The following ZBTB20 variants were observed in gnomAD, a reference collection of about 807,000 sequenced individuals.
ZBTB20 encodes the protein zinc finger and BTB domain-containing protein 20.
A neutral mutation model predicts 56.9 loss-of-function variants in ZBTB20; 9 were observed. That is an observed-to-expected ratio of 0.16 (90% CI 0.10 to 0.28). ZBTB20 has a LOEUF of 0.28. ZBTB20 is among the 10% of genes least tolerant of loss of function. ZBTB20 has a pLI of 1.00. For missense variants in ZBTB20, 655 were observed against 1,003.0 expected (o/e 0.65, Z 4.69); for synonymous variants, 417 against 420.7 (o/e 0.99, Z 0.11).
chr3:114,367,592 G>A (rs1325071909), intron 10 of ZBTB20, among the ~76,000 whole-genome samples: 1 of 152,020 alleles, frequency 6.6e-6, no homozygotes, highest in African/African-American at 2.4e-5. Context: ...TGCACTTGAA[G>A]ACAAAAAGGA....
intron 2 of ZBTB20, among the ~76,000 whole-genome samples, chr3:115,032,209 G>T (rs550342108): frequency 1.3e-5 from 2 of 151,062 alleles, no homozygotes; most frequent in Admixed American, 1.3e-4. Context: ...TCCAGATTGC[G>T]CTTTCTTTAT....
chr3:114,753,615 A>G (rs1236476725), intron 5 of ZBTB20, among the ~76,000 whole-genome samples: 1 of 151,554 alleles, frequency 6.6e-6, no homozygotes, highest in Non-Finnish European at 1.5e-5. Flanking sequence ...TGCATTTTTA[A>G]TAGAGACGGG....
At chr3:115,143,266 A>T (rs1326821670) in intron 1 of ZBTB20, among the ~76,000 whole-genome samples, 1 of 152,334 alleles carries the variant, frequency 6.6e-6, no homozygotes, top group East Asian at 1.9e-4. Flanking sequence ...TGCCAATCAA[A>T]TGCTTTTGAA....
At chr3:115,056,086 TAC>T (rs2081769768) in intron 2 of ZBTB20, among the ~76,000 whole-genome samples, 1 of 152,114 alleles carries the variant, frequency 6.6e-6, no homozygotes, top group Non-Finnish European at 1.5e-5. Context: ...ATCTTTAAAA[TAC>T]AGTCTTACAA....
chr3:114,926,255 C>G (rs1354646531), intron 3 of ZBTB20, among the ~76,000 whole-genome samples: 1 of 82,762 alleles, frequency 1.2e-5, no homozygotes, highest in African/African-American at 3.9e-5. Context: ...AAATGTGAAA[C>G]TCACTTCATC....
At chr3:114,966,082 G>C (rs917328580) in intron 3 of ZBTB20, among the ~76,000 whole-genome samples, 2 of 152,108 alleles carry the variant, frequency 1.3e-5, no homozygotes, top group African/African-American at 4.8e-5. Context: ...ATCAGAAAAA[G>C]ACTTTCTACA....
At chr3:114,708,264 G>C (rs1051904976) in intron 5 of ZBTB20, among the ~76,000 whole-genome samples, 2 of 152,136 alleles carry the variant, frequency 1.3e-5, no homozygotes, top group Non-Finnish European at 2.9e-5. Context: ...TGCTATAACT[G>C]GTGGACCAGA....
chr3:114,978,316 ATAT>A (rs1300011904), intron 2 of ZBTB20, among the ~76,000 whole-genome samples: 1 of 148,824 alleles, frequency 6.7e-6, no homozygotes, highest in East Asian at 1.9e-4. Flanking sequence ...TTATTAAATA[ATAT>A]TATTAATTCT....
chr3:114,842,944 T>C (rs769485625), intron 4 of ZBTB20, among the ~76,000 whole-genome samples: 69 of 152,290 alleles, frequency 4.5e-4, no homozygotes, highest in Admixed American at 6.5e-4. Context: ...TGGAAGGTGA[T>C]TGGAGCAAGG....
At chr3:114,569,682 A>G (rs896569534) in intron 6 of ZBTB20, among the ~76,000 whole-genome samples, 2 of 152,154 alleles carry the variant, frequency 1.3e-5, no homozygotes. Context: ...TGCATACACT[A>G]CTTTTGAGTT....
At chr3:115,086,239 T>A (rs2082980510) in intron 1 of ZBTB20, among the ~76,000 whole-genome samples, 1 of 151,900 alleles carries the variant, frequency 6.6e-6, no homozygotes, top group Non-Finnish European at 1.5e-5. Context: ...CTGTCATTCA[T>A]CTTTCACCTT....
intron 6 of ZBTB20, among the ~76,000 whole-genome samples, chr3:114,505,306 T>C (rs917396897): frequency 1.3e-5 from 2 of 152,118 alleles, no homozygotes; most frequent in East Asian, 1.9e-4. Flanking sequence ...AAAACAATAA[T>C]AGTGCAATTG....
intron 4 of ZBTB20, among the ~76,000 whole-genome samples, chr3:114,871,286 T>A (rs2076000300): frequency 6.6e-6 from 1 of 152,152 alleles, no homozygotes; most frequent in Non-Finnish European, 1.5e-5. Context: ...CAGGGCAATC[T>A]ATGATCTCTT....
chr3:114,769,249 T>C (rs1344151896), intron 5 of ZBTB20, among the ~76,000 whole-genome samples: 1 of 152,004 alleles, frequency 6.6e-6, no homozygotes, highest in Admixed American at 6.6e-5. Flanking sequence ...CAGCACAAGT[T>C]GACAAATCAC....
At chr3:114,781,807 T>C (rs991661396) in intron 5 of ZBTB20, among the ~76,000 whole-genome samples, 3 of 152,152 alleles carry the variant, frequency 2.0e-5, no homozygotes, top group Admixed American at 2.0e-4. Flanking sequence ...TCTCATGAGA[T>C]CTGGTGATTT....
intron 7 of ZBTB20, among the ~76,000 whole-genome samples, chr3:114,409,648 T>C (rs557009122): frequency 6.6e-6 from 1 of 152,238 alleles, no homozygotes; most frequent in Non-Finnish European, 1.5e-5. Flanking sequence ...AGCCTGGAAT[T>C]CATTTAGCTT....
intron 6 of ZBTB20, among the ~76,000 whole-genome samples, chr3:114,622,741 C>CA (rs1451117351): frequency 6.6e-6 from 1 of 152,226 alleles, no homozygotes; most frequent in Non-Finnish European, 1.5e-5. Flanking sequence ...GCAACAGGCA[C>CA]ATACAATATA....
intron 7 of ZBTB20, among the ~76,000 whole-genome samples, chr3:114,394,642 G>C (rs766293307): frequency 1.3e-5 from 2 of 152,182 alleles, no homozygotes; most frequent in Non-Finnish European, 2.9e-5. Flanking sequence ...TTGTGATCCT[G>C]CATTTCTGAG....
Position 115,100,991 on chromosome 3 carries a change from C to A in ZBTB20, c.-702-29577G>T, listed in dbSNP as rs1297279372. 2.0e-5 allele frequency among the ~76,000 whole-genome samples: 3 copies of A among 152,160 alleles called. No individual in the cohort carries two copies. In the East Asian group the frequency reaches 5.8e-4, roughly 29 times the overall value. On this transcript the variant is annotated intron_variant, in intron 1 of 11. Transcript: ENST00000675478. Reference sequence around the variant, plus strand: ...GACCATATACAAAATTGCAGACTTACAAAATTACAGACCAAAACAGAATTA... The same window carrying A: ...GACCATATACAAAATTGCAGACTTAAAAAATTACAGACCAAAACAGAATTA...
Sources: gnomAD v4.1 joint callset for allele counts (sites outside exome capture counted in the v4.1 genomes callset) on GRCh38, gnomAD v4.1.1 for gene constraint, MANE v1.5 for transcripts, NCBI Gene and HGNC (gene_info 2026-07-23, HGNC 2026-07-21) for gene names.